The following LAMA1 variants were observed in gnomAD, a reference collection of about 807,000 sequenced individuals.
The protein encoded by LAMA1 is laminin subunit alpha-1.
Under a neutral mutation model 348.7 loss-of-function variants are expected in LAMA1, and 219 were observed. The observed-to-expected ratio is 0.63, with a 90% CI of 0.56 to 0.70. The LOEUF (loss-of-function observed/expected upper bound fraction) is 0.70. Ranked by LOEUF, LAMA1 falls within the 30% of genes least tolerant of loss-of-function variation. The pLI is 0.00. For missense variants in LAMA1, 3,744 were observed against 3,888.0 expected (o/e 0.96, Z 0.99); for synonymous variants, 1,487 against 1,491.0 (o/e 1.00, Z 0.06).
At chr18:6,979,213 C>T (rs553252011) in intron 42 of LAMA1, among the ~76,000 whole-genome samples, 12 of 152,240 alleles carry the variant, frequency 7.9e-5, no homozygotes, top group South Asian at 6.2e-4. Context: ...AAAAATCTTC[C>T]GGATCAGAAA....
At chr18:7,044,582 G>A (rs897296084) in intron 7 of LAMA1, 140 bp downstream of exon 7, 10 of 774,736 alleles carry the variant, frequency 1.3e-5, no homozygotes, top group Non-Finnish European at 4.7e-6. Flanking sequence ...AAAATTTTAA[G>A]GTCATCTGCA....
At chr18:6,964,174 CAGA>C (rs2057621830) in intron 51 of LAMA1, 1 of 182,208 alleles carries the variant, frequency 5.5e-6, no homozygotes, top group African/African-American at 2.4e-5. Flanking sequence ...AATTTTTCTG[CAGA>C]AGGCCTGCTT....
chr18:7,020,684 C>T (rs571791804), intron 19 of LAMA1, among the ~76,000 whole-genome samples: 1 of 152,344 alleles, frequency 6.6e-6, no homozygotes, highest in East Asian at 1.9e-4. Context: ...GCTGCTCTAA[C>T]CGTCCTTCCT....
chr18:7,115,814 C>CAAAAAAAAAAAAAAAAAAAAAAAAAA (rs557585224), intron 1 of LAMA1, among the ~76,000 whole-genome samples: 2 of 94,814 alleles, frequency 2.1e-5, no homozygotes, highest in Non-Finnish European at 4.3e-5. Flanking sequence ...ACTAAAAATA[C>CAAAAAAAAAAAAAAAAAAAAAAAAAA]AAAAAAAAAA....
chr18:6,981,814 T>C (rs752326866), intron 41 of LAMA1, among the ~76,000 whole-genome samples: 1 of 152,154 alleles, frequency 6.6e-6, no homozygotes, highest in Admixed American at 6.5e-5. Flanking sequence ...CCTCCAGAAA[T>C]CTTGGTATTT....
intron 16 of LAMA1, among the ~76,000 whole-genome samples, chr18:7,031,830 A>G (rs1437447410): frequency 6.6e-6 from 1 of 151,822 alleles, no homozygotes; most frequent in African/African-American, 2.4e-5. Context: ...AAAAAGAACT[A>G]TAATGAAGTT....
chr18:6,992,071 G>A (rs1372629146), intron 36 of LAMA1, among the ~76,000 whole-genome samples: 1 of 152,196 alleles, frequency 6.6e-6, no homozygotes, highest in Non-Finnish European at 1.5e-5. Context: ...AACTCCTTGT[G>A]ACTGTATGTA....
chr18:7,114,764 GA>G (rs1450111793), intron 1 of LAMA1, among the ~76,000 whole-genome samples: 1 of 152,086 alleles, frequency 6.6e-6, no homozygotes, highest in African/African-American at 2.4e-5. Flanking sequence ...ACATGAAAAT[GA>G]ATATCCATAG....
intron 3 of LAMA1, among the ~76,000 whole-genome samples, chr18:7,066,420 T>G (rs553508675): frequency 4.6e-5 from 7 of 152,340 alleles, no homozygotes; most frequent in African/African-American, 1.7e-4. Context: ...ATAATGAGAC[T>G]TAGAGTCAAA....
Position 6,966,227 on chromosome 18 carries a change from C to T in LAMA1, c.6970G>A (p.Ala2324Thr). The change falls in exon 49 of 63, where the codon GCT becomes ACT. Residue 2324 changes from alanine (A) to threonine (T), a missense_variant. By Grantham distance (58) the Ala-to-Thr change is moderately conservative. Transcript: ENST00000389658. ...GYSVVEKSLP[A>T]TVTQIIMLFN... ...AGCATGATTATCTGGGTCACGGTAG[C>T]CGGAAGTGACTTCTCCACGACAGAG... 1 of 1,613,880 alleles carries T rather than the reference C, an allele frequency of 6.2e-7. No individual in the cohort carries two copies.
intron 1 of LAMA1, among the ~76,000 whole-genome samples, chr18:7,108,868 A>G (rs1000545568): frequency 1.3e-5 from 2 of 152,106 alleles, no homozygotes; most frequent in African/African-American, 4.8e-5. Flanking sequence ...AGATTCAGAT[A>G]AAAGGGCTGA....
In LAMA1 at chr18:6,958,565, C is replaced by T. The variant is rs762026861; in HGVS notation, c.7876G>A (p.Gly2626Arg). The change falls in exon 55 of 63, where the codon GGG becomes AGG. Residue 2626 changes from glycine to arginine, a missense_variant. Coordinates refer to ENST00000389658, the MANE Select transcript of LAMA1 (RefSeq NM_005559.4). ...GTCCCCTCTCCCTCTGGAATTCCCC[C>T]GACGTACAGATTGGACACATTTATC... ...RTINVSNLYV[G>R]GIPEGEGTSL... 9.3e-6 allele frequency: 15 copies of T among 1,614,116 alleles called. No homozygotes were observed. The highest frequency in any genetic ancestry group is 1.3e-5 in the Non-Finnish European group (15 of 1,179,992).
chr18:6,969,334 A>G (rs1405038462), intron 48 of LAMA1, among the ~76,000 whole-genome samples: 1 of 152,116 alleles, frequency 6.6e-6, no homozygotes, highest in African/African-American at 2.4e-5. Context: ...CCTCACCCAG[A>G]GGTACCTTTT....
intron 42 of LAMA1, among the ~76,000 whole-genome samples, chr18:6,978,601 G>GT (rs1364879612): frequency 1.3e-5 from 2 of 152,064 alleles, no homozygotes; most frequent in African/African-American, 4.8e-5. Flanking sequence ...CATATCATAT[G>GT]CTCTACTATC....
chr18:6,995,379 T>C lies in LAMA1; in HGVS notation c.4874A>G (p.Glu1625Gly), dbSNP rs748026266. 3 of 1,613,554 alleles carry C rather than the reference T, an allele frequency of 1.9e-6. No homozygotes were observed. In the Admixed American group the frequency reaches 5.0e-5, roughly 27 times the overall value. Reference sequence around the variant, plus strand: ...TACCTTCTTTTGCAGGTTGTCCGTTTCTTCTGCAACACCTTCAAGCTTAAT... The same window carrying C: ...TACCTTCTTTTGCAGGTTGTCCGTTCCTTCTGCAACACCTTCAAGCTTAAT... ...GKIKLEGVAE[E>G]TDNLQKKLTR... Residue 1625 changes from glutamate (E) to glycine (G), a missense_variant, in exon 34 of 63, where the codon GAA becomes GGA. This residue lies in a region of LAMA1 where 1,983 missense variants were observed against 1,934.3 expected (regional missense o/e 1.03). Coordinates refer to ENST00000389658, the MANE Select transcript of LAMA1 (RefSeq NM_005559.4).
At chr18:7,031,642 C>T (rs936563689) in intron 16 of LAMA1, among the ~76,000 whole-genome samples, 1 of 146,470 alleles carries the variant, frequency 6.8e-6, no homozygotes, top group Admixed American at 6.8e-5. Context: ...GTTGGTGCCA[C>T]CACACTCCAG....
intron 1 of LAMA1, among the ~76,000 whole-genome samples, chr18:7,104,572 C>T (rs535027955): frequency 6.6e-6 from 1 of 152,276 alleles, no homozygotes; most frequent in Admixed American, 6.5e-5. Context: ...ACAGATATCA[C>T]AGAATGGTCG....
rs1043223457 is a variant in LAMA1 at position 6,949,163 on chromosome 18, C to A, written c.8494G>T (p.Val2832Leu). The A allele has an allele frequency of 1.2e-6, 2 of 1,614,076 alleles. No homozygotes were observed. Among genetic ancestry groups the A allele is most frequent in the Admixed American group, 3.3e-5 (2 of 60,004 alleles). Residue 2832 changes from valine to leucine, a missense_variant, in exon 59 of 63, where the codon GTG becomes TTG. Transcript: ENST00000389658. ...CCTCCTAGGTAGAACAAACCCTCCA[C>A]ATCCAGCATGGTTCCATCTCCCACC... ...TVVGDGTMLD[V>L]EGLFYLGGLP...
chr18:6,949,305 A>G, intron 58 of LAMA1, 46 bp from the exon 59 acceptor site: 1 of 1,580,650 alleles, frequency 6.3e-7, no homozygotes, highest in African/African-American at 1.3e-5. Context: ...AATCTGAAAA[A>G]ACTTTTAACA....
Sources: gnomAD v4.1 joint callset for allele counts (sites outside exome capture counted in the v4.1 genomes callset) on GRCh38, gnomAD v4.1.1 for gene constraint, gnomAD v4.1.1 regional missense constraint, MANE v1.5 for transcripts, NCBI Gene and HGNC (gene_info 2026-07-23, HGNC 2026-07-21) for gene names.